The following TNFRSF8 variants were observed in gnomAD, a reference collection of about 807,000 sequenced individuals.
The protein encoded by TNFRSF8 is TNF receptor superfamily member 8.
TNFRSF8 carries 26 observed loss-of-function variants against 70.8 expected under a neutral mutation model. The ratio of observed to expected loss-of-function variants is 0.37; its 90% CI spans 0.27 to 0.51. The LOEUF (loss-of-function observed/expected upper bound fraction) is 0.51, where lower values mean the gene tolerates loss of function less well. Ranked by LOEUF, TNFRSF8 falls within the 20% of genes least tolerant of loss-of-function variation. The pLI is 0.94. For synonymous variants in TNFRSF8, 356 were observed against 339.2 expected (o/e 1.05, Z -0.54); for missense variants, 720 against 807.9 (o/e 0.89, Z 1.32).
chr1:12,086,863 T>C (rs1484917031), intron 2 of TNFRSF8, among the ~76,000 whole-genome samples: 1 of 151,948 alleles, frequency 6.6e-6, no homozygotes, highest in East Asian at 1.9e-4. Context: ...CCTTATGACC[T>C]CATTTAACCT....
chr1:12,118,568 G>C (rs549056482), intron 8 of TNFRSF8, among the ~76,000 whole-genome samples: 4 of 152,318 alleles, frequency 2.6e-5, no homozygotes, highest in South Asian at 2.1e-4. Context: ...CATTAAATTC[G>C]TGTCTGCAGA....
At chr1:12,106,093 C>G (rs531119415) in intron 4 of TNFRSF8, among the ~76,000 whole-genome samples, 2 of 151,978 alleles carry the variant, frequency 1.3e-5, no homozygotes, top group African/African-American at 2.4e-5. Flanking sequence ...CGGTTCTTGG[C>G]GGGAGGATGA....
At chr1:12,093,628 C>T (rs1258926919) in intron 2 of TNFRSF8, among the ~76,000 whole-genome samples, 1 of 152,036 alleles carries the variant, frequency 6.6e-6, no homozygotes, top group Non-Finnish European at 1.5e-5. Flanking sequence ...GCAACCTCTG[C>T]CTCCTGGGTT....
chr1:12,080,241 G>C (rs1190929159), intron 1 of TNFRSF8: 10 of 518,064 alleles, frequency 1.9e-5, no homozygotes, highest in Non-Finnish European at 3.8e-5. Context: ...GAGCCACCGT[G>C]CCCAGCCAAG....
rs1246052800 is a variant in TNFRSF8, at chr1:12,088,895, G to A, written c.151+4344G>A. On this transcript the variant is annotated intron_variant, in intron 2 of 14. Transcript: ENST00000263932. This position sits in a 1 kb window ranked among gnomAD's most constrained non-coding sequence, Gnocchi z 4.0. ...CTGCCGCCTCCCCCTCCCCCGCCCA[G>A]TCCCTCTTCATCCTGGGCTTCAGCT... is the stretch of plus-strand genomic sequence containing the variant. Among the ~76,000 whole-genome samples, 1 of 149,896 alleles carries A rather than the reference G, an allele frequency of 6.7e-6. No homozygotes were observed. Among genetic ancestry groups the A allele is most frequent in the African/African-American group, 2.4e-5 (1 of 40,912 alleles).
rs1641582334 is a variant in TNFRSF8, at chr1:12,109,282, A to T, written c.422-284A>T. ...CATCGTGGCCAGAGGAATGCAACGG[A>T]TTGATTGGTCCAGCCTGGTCTCATG... On this transcript the variant is annotated intron_variant, in intron 4 of 14. Transcript: ENST00000263932. The surrounding 1 kb of genome is among the most constrained non-coding windows in gnomAD (Gnocchi z 4.4). 6.6e-6 allele frequency among the ~76,000 whole-genome samples: 1 copy of T among 152,128 alleles called. No individual in the cohort carries two copies. Among genetic ancestry groups the T allele is most frequent in the African/African-American group, 2.4e-5 (1 of 41,432 alleles).
At chr1:12,124,545 T>A (rs1327889290) in intron 10 of TNFRSF8, among the ~76,000 whole-genome samples, 1 of 152,100 alleles carries the variant, frequency 6.6e-6, no homozygotes, top group Non-Finnish European at 1.5e-5. Context: ...GCTCTTAGGC[T>A]GGACGCGGTG....
rs1641200883 is a variant in TNFRSF8, at chr1:12,088,975, C to T, written c.151+4424C>T. 6.6e-6 allele frequency among the ~76,000 whole-genome samples: 1 copy of T among 152,218 alleles called. No individual in the cohort carries two copies. Among genetic ancestry groups the T allele is most frequent in the Non-Finnish European group, 1.5e-5 (1 of 68,032 alleles). On this transcript the variant is annotated intron_variant, in intron 2 of 14. Coordinates refer to ENST00000263932, the MANE Select transcript of TNFRSF8 (RefSeq NM_001243.5). This position sits in a 1 kb window ranked among gnomAD's most constrained non-coding sequence, Gnocchi z 4.0. ...ACACTGTCCCAGCAGAGCCCCCTCA[C>T]AGCACCTCCTGGCCCCCCACTGTCC...
Position 12,141,340 on chromosome 1 carries a change from G to T in TNFRSF8, c.1544-947G>T, listed in dbSNP as rs972798212. 1.3e-5 allele frequency among the ~76,000 whole-genome samples: 2 copies of T among 152,112 alleles called. No individual in the cohort carries two copies. The highest frequency in any genetic ancestry group is 2.9e-5 in the Non-Finnish European group (2 of 68,010). Reference sequence around the variant, plus strand: ...AGCCAGACACCATCAGCTGGGCGGAGGCCAGGCTTCCCCACTCCCCAGCTC... The same window carrying T: ...AGCCAGACACCATCAGCTGGGCGGATGCCAGGCTTCCCCACTCCCCAGCTC... On this transcript the variant is annotated intron_variant, in intron 14 of 14. Coordinates refer to ENST00000263932, the MANE Select transcript of TNFRSF8 (RefSeq NM_001243.5). This position sits in a 1 kb window ranked among gnomAD's most constrained non-coding sequence, Gnocchi z 5.4.
intron 2 of TNFRSF8, among the ~76,000 whole-genome samples, chr1:12,090,499 C>CCCACTCACTCATCCAT: frequency 6.7e-6 from 1 of 150,254 alleles, no homozygotes; most frequent in East Asian, 2.0e-4. Flanking sequence ...CATCCATCCA[C>CCCACTCACTCATCCAT]CCACCCACTC....
chr1:12,137,135 G>C (rs893237202), intron 13 of TNFRSF8, among the ~76,000 whole-genome samples: 6 of 152,008 alleles, frequency 3.9e-5, no homozygotes, highest in Admixed American at 1.3e-4. Flanking sequence ...TGTGGTTCCT[G>C]GTAGAACAAA....
rs199941905 is a variant in TNFRSF8 at position 12,108,074 on chromosome 1, A to ATTTTTTT, written c.422-1491_422-1485dup. Among the ~76,000 whole-genome samples, 30 of 146,194 alleles carry ATTTTTTT rather than the reference A, an allele frequency of 2.1e-4. No homozygotes were observed. Among genetic ancestry groups the ATTTTTTT allele is most frequent in the Non-Finnish European group, 3.6e-4 (24 of 66,426 alleles). On this transcript the variant is annotated intron_variant, in intron 4 of 14. Transcript: ENST00000263932. The surrounding 1 kb of genome is among the most constrained non-coding windows in gnomAD (Gnocchi z 4.0). ...CGAAGTCCCACACATACAGGCCACC[A>ATTTTTTT]TTTTTTTATTTTTTTTTTTTTTGTG... is the stretch of plus-strand genomic sequence containing the variant.
At chr1:12,099,990 G>A (rs545429815) in intron 3 of TNFRSF8, among the ~76,000 whole-genome samples, 6 of 152,176 alleles carry the variant, frequency 3.9e-5, no homozygotes, top group African/African-American at 7.2e-5. Context: ...CTAACATGGC[G>A]AAACCCCATC....
intron 8 of TNFRSF8, among the ~76,000 whole-genome samples, chr1:12,117,137 C>T (rs1641746400): frequency 6.6e-6 from 1 of 151,974 alleles, no homozygotes; most frequent in Non-Finnish European, 1.5e-5. Flanking sequence ...GGCCGATGTG[C>T]AGTGGTGTAA....
chr1:12,065,134 A>C (rs1022180846), intron 1 of TNFRSF8, among the ~76,000 whole-genome samples: 3 of 120,152 alleles, frequency 2.5e-5, no homozygotes, highest in African/African-American at 1.0e-4. Context: ...CCCATGCTGG[A>C]GTGCAATGCT....
At chr1:12,079,947 CTA>C (rs1325429807) in intron 1 of TNFRSF8, among the ~76,000 whole-genome samples, 3 of 130,046 alleles carry the variant, frequency 2.3e-5, no homozygotes, top group South Asian at 2.5e-4. Flanking sequence ...TTTTAATTCT[CTA>C]TTTTTTTTTT....
At chr1:12,084,153 T>A (rs747766121) in intron 1 of TNFRSF8, among the ~76,000 whole-genome samples, 55 of 152,264 alleles carry the variant, frequency 3.6e-4, no homozygotes, top group Admixed American at 2.6e-3. Context: ...ATTATGTTAA[T>A]CCCAGGGCAA....
At chr1:12,066,223 C>T (rs1348120227) in intron 1 of TNFRSF8, among the ~76,000 whole-genome samples, 1 of 152,090 alleles carries the variant, frequency 6.6e-6, no homozygotes, top group Non-Finnish European at 1.5e-5. Flanking sequence ...AAGGGACTAC[C>T]TGCCCAACAC....
At chr1:12,134,485 C>T (rs532423938) in intron 12 of TNFRSF8, among the ~76,000 whole-genome samples, 15 of 152,180 alleles carry the variant, frequency 9.9e-5, no homozygotes, top group Non-Finnish European at 1.8e-4. Flanking sequence ...CGTGACCTGG[C>T]CCCTGTTTAA....
Sources: allele counts gnomAD v4.1 joint callset (sites outside exome capture counted in the v4.1 genomes callset), GRCh38; gene constraint gnomAD v4.1.1; non-coding constraint Gnocchi (gnomAD v3.1); transcripts MANE v1.5; gene names NCBI Gene and HGNC (gene_info 2026-07-23, HGNC 2026-07-21).